FHIT: variants seen among roughly 807,000 people sequenced by gnomAD.
FHIT encodes fragile histidine triad diadenosine triphosphatase.
In FHIT, 19 loss-of-function variants were observed where a neutral mutation model predicts 17.9. The observed-to-expected ratio is 1.06, with a 90% CI of 0.74 to 1.56. The LOEUF (loss-of-function observed/expected upper bound fraction) is 1.56. Ranked by LOEUF, FHIT falls within the 40% of genes most tolerant of loss-of-function variation. FHIT has a pLI of 0.00. For synonymous variants in FHIT, 81 were observed against 69.7 expected, an observed-to-expected ratio of 1.16 and a Z score of -0.81; for missense variants, 248 against 189.2, an observed-to-expected ratio of 1.31 and a Z score of -1.82.
intron 8 of FHIT, among the ~76,000 whole-genome samples, chr3:59,836,826 C>T (rs1163323580): frequency 2.0e-5 from 3 of 152,090 alleles, no homozygotes; most frequent in African/African-American, 7.2e-5. Context: ...GCTGGAGGGG[C>T]CCGAACAGTG....
intron 1 of FHIT, among the ~76,000 whole-genome samples, chr3:61,246,626 A>G (rs1161267186): frequency 1.3e-5 from 2 of 152,018 alleles, no homozygotes; most frequent in East Asian, 1.9e-4. Flanking sequence ...GTTCTCACTC[A>G]TAAGTGGGAG....
At chr3:60,258,087 CA>C (rs1706102395) in intron 5 of FHIT, among the ~76,000 whole-genome samples, 2 of 142,368 alleles carry the variant, frequency 1.4e-5, no homozygotes, top group Admixed American at 7.0e-5. Flanking sequence ...CACACACACA[CA>C]CACACACACA....
chr3:60,093,761 A>C (rs191314916), intron 5 of FHIT, among the ~76,000 whole-genome samples: 6 of 152,318 alleles, frequency 3.9e-5, no homozygotes, highest in African/African-American at 1.4e-4. Flanking sequence ...TTTAATGCCT[A>C]ATGATATAGG....
At chr3:60,921,015 T>C (rs1707254075) in intron 3 of FHIT, among the ~76,000 whole-genome samples, 2 of 152,244 alleles carry the variant, frequency 1.3e-5, no homozygotes, top group East Asian at 3.8e-4. Context: ...ATTTGGTAAC[T>C]CACTCATTCC....
chr3:60,517,298 T>C (rs2035195583), intron 5 of FHIT, among the ~76,000 whole-genome samples: 1 of 152,228 alleles, frequency 6.6e-6, no homozygotes, highest in Non-Finnish European at 1.5e-5. Flanking sequence ...TTCTTATTTA[T>C]ATTATTGCCA....
chr3:61,078,972 A>G (rs2106768399), intron 2 of FHIT, among the ~76,000 whole-genome samples: 1 of 152,304 alleles, frequency 6.6e-6, no homozygotes, highest in East Asian at 1.9e-4. Context: ...CCAAAACATG[A>G]AAGTCAATAT....
At chr3:59,862,809 T>G (rs371963444) in intron 8 of FHIT, among the ~76,000 whole-genome samples, 2 of 152,202 alleles carry the variant, frequency 1.3e-5, no homozygotes, top group South Asian at 2.1e-4. Context: ...GGAAACACTA[T>G]AGATACGTTT....
chr3:60,727,008 T>G (rs2041930140), intron 4 of FHIT, among the ~76,000 whole-genome samples: 1 of 152,170 alleles, frequency 6.6e-6, no homozygotes, highest in South Asian at 2.1e-4. Context: ...CAAATAACAT[T>G]TTGAAGTTTA....
intron 4 of FHIT, among the ~76,000 whole-genome samples, chr3:60,609,835 C>T (rs2038731054): frequency 6.6e-6 from 1 of 152,144 alleles, no homozygotes. Context: ...GGAGTTCCTG[C>T]TATCTCAACA....
At chr3:61,056,406 G>A (rs1209559915) in intron 2 of FHIT, among the ~76,000 whole-genome samples, 1 of 152,182 alleles carries the variant, frequency 6.6e-6, no homozygotes, top group Non-Finnish European at 1.5e-5. Flanking sequence ...ATAAACCTAA[G>A]TCCATTCTCA....
chr3:61,078,770 T>C (rs2035043775), intron 2 of FHIT, among the ~76,000 whole-genome samples: 1 of 152,218 alleles, frequency 6.6e-6, no homozygotes, highest in African/African-American at 2.4e-5. Context: ...GCTTTTTATA[T>C]AATCTGAACA....
chr3:61,129,953 A>G (rs913378946), intron 2 of FHIT, among the ~76,000 whole-genome samples: 9 of 152,180 alleles, frequency 5.9e-5, no homozygotes, highest in African/African-American at 1.9e-4. Flanking sequence ...TAAAATATTC[A>G]AATGAGATAG....
chr3:61,250,981 C>T (rs2040609863), intron 1 of FHIT, among the ~76,000 whole-genome samples: 1 of 152,200 alleles, frequency 6.6e-6, no homozygotes, highest in Admixed American at 6.5e-5. Flanking sequence ...CCCAAAACGG[C>T]GGGTGCCGAC....
chr3:60,587,519 T>C (rs1034272354), intron 4 of FHIT, among the ~76,000 whole-genome samples: 1 of 149,056 alleles, frequency 6.7e-6, no homozygotes. Flanking sequence ...TAAAATAAAA[T>C]TTAAAAAAAA....
intron 4 of FHIT, among the ~76,000 whole-genome samples, chr3:60,651,426 T>G (rs2107807316): frequency 6.6e-6 from 1 of 152,278 alleles, no homozygotes; most frequent in Admixed American, 6.5e-5. Flanking sequence ...ATCTTTATTA[T>G]TGAAAAATTT....
intron 3 of FHIT, among the ~76,000 whole-genome samples, chr3:60,979,596 G>A (rs963471998): frequency 6.6e-6 from 1 of 152,168 alleles, no homozygotes; most frequent in Non-Finnish European, 1.5e-5. Flanking sequence ...AACTCCTATG[G>A]ATCATGCCTG....
chr3:60,995,051 T>A (rs1224821538), intron 3 of FHIT, among the ~76,000 whole-genome samples: 1 of 152,160 alleles, frequency 6.6e-6, no homozygotes, highest in Non-Finnish European at 1.5e-5. Context: ...CCAGGCGCGG[T>A]GGCTCACGCC....
chr3:59,777,675 G>A (rs577230548), intron 8 of FHIT, among the ~76,000 whole-genome samples: 22 of 152,270 alleles, frequency 1.4e-4, no homozygotes, highest in Admixed American at 1.4e-3. Flanking sequence ...ATCAGATCAT[G>A]TCATTCCCTT....
intron 5 of FHIT, among the ~76,000 whole-genome samples, chr3:60,439,420 T>C (rs2030588837): frequency 6.6e-6 from 1 of 152,158 alleles, no homozygotes; most frequent in Non-Finnish European, 1.5e-5. Context: ...CTGTGCTCTG[T>C]GCAAAGCCTT....
Sources: gnomAD v4.1 joint callset for allele counts (sites outside exome capture counted in the v4.1 genomes callset) on GRCh38, gnomAD v4.1.1 for gene constraint, MANE v1.5 for transcripts, NCBI Gene and HGNC (gene_info 2026-07-23, HGNC 2026-07-21) for gene names.